FAM167A: variants seen among roughly 807,000 people sequenced by gnomAD.
FAM167A encodes the protein family with sequence similarity 167 member A.
Under a neutral mutation model 14.9 loss-of-function variants are expected in FAM167A, and 23 were observed. The observed-to-expected ratio is 1.55, with a 90% CI of 1.11 to 2.19. The LOEUF (loss-of-function observed/expected upper bound fraction) is 2.19, where lower values mean the gene tolerates loss of function less well. FAM167A is among the 30% of genes most tolerant of loss of function. The pLI is 0.00. For missense variants in FAM167A, 401 were observed against 281.5 expected (o/e 1.42, Z -3.04); for synonymous variants, 174 against 117.7 (o/e 1.48, Z -3.10).
rs77515572 is a variant in FAM167A at position 11,434,114 on chromosome 8, C to G, written c.382-9478G>C. 3.6e-3 allele frequency: 553 copies of G among 152,284 alleles called. 2 individuals are homozygous for G. The highest frequency in any genetic ancestry group is 0.012 in the African/African-American group (513 of 41,554). The allele number at this position is 152,284 out of a possible 1,614,324, so 9.4% of individuals were successfully genotyped here. A position where few individuals can be genotyped will look rare whatever the true frequency, so the allele number is the denominator to read the frequency against. On this transcript the variant is annotated intron_variant, in intron 2 of 2. Transcript: ENST00000284486. ...TTCCGGGGAAATGTGAAGAAAGAAA[C>G]GCAAACACCCCTAGGAACCAGGTTG...
intron 1 of FAM167A, among the ~76,000 whole-genome samples, chr8:11,453,603 C>T (rs754386936): frequency 6.6e-6 from 1 of 152,158 alleles, no homozygotes; most frequent in Admixed American, 6.5e-5. Context: ...GGGAGGGCTG[C>T]AGCAGGAGCC....
chr8:11,424,185 A>G lies in FAM167A; in HGVS notation c.*188T>C, dbSNP rs921576687. 6.1e-6 allele frequency: 4 copies of G among 655,766 alleles called. No individual in the cohort carries two copies. Among genetic ancestry groups the G allele is most frequent in the Non-Finnish European group, 1.0e-5 (4 of 390,582 alleles). 40.6% of individuals were successfully genotyped at this position (655,766 alleles called of 1,614,324 possible). The stretch of plus-strand genomic sequence containing the variant: ...GTAAGCAAGAGCCAGTCACAGAGAC[A>G]CTGGCATCCACACCCAGGGCCCCTG... On this transcript the variant is annotated 3_prime_UTR_variant, in exon 3 of 3. Transcript: ENST00000284486.
chr8:11,433,420 C>T (rs1198158805), intron 2 of FAM167A, among the ~76,000 whole-genome samples: 1 of 152,172 alleles, frequency 6.6e-6, no homozygotes, highest in Non-Finnish European at 1.5e-5. Flanking sequence ...CTAATGCTTC[C>T]ATTCCTGAAG....
At chr8:11,439,906 C>T (rs901043403) in intron 2 of FAM167A, among the ~76,000 whole-genome samples, 2 of 152,174 alleles carry the variant, frequency 1.3e-5, no homozygotes, top group African/African-American at 4.8e-5. Flanking sequence ...AGGGAGTTGG[C>T]TGATGGACCA....
intron 1 of FAM167A, among the ~76,000 whole-genome samples, chr8:11,447,862 C>T (rs1175848403): frequency 6.6e-6 from 1 of 152,222 alleles, no homozygotes; most frequent in Non-Finnish European, 1.5e-5. Context: ...ATTCACAAGG[C>T]TCAGTATGAA....
chr8:11,421,982 C>G lies in FAM167A; in HGVS notation c.*2391G>C, dbSNP rs1021624876. On this transcript the variant is annotated 3_prime_UTR_variant, in exon 3 of 3. Coordinates refer to ENST00000284486, the MANE Select transcript of FAM167A (RefSeq NM_053279.3). The stretch of plus-strand genomic sequence containing the variant: ...ACACTGGACGATGTTTAGAAAACAT[C>G]GCTGTCCCCCTCCACTTCTCATCTT... The G allele has an allele frequency of 5.0e-6, 2 of 396,380 alleles. No homozygotes were observed. The highest frequency in any genetic ancestry group is 8.8e-5 in the Admixed American group (2 of 22,664). 24.6% of individuals were successfully genotyped at this position (396,380 alleles called of 1,614,324 possible).
intron 1 of FAM167A, among the ~76,000 whole-genome samples, chr8:11,448,608 A>C (rs557486982): frequency 1.3e-5 from 2 of 152,324 alleles, no homozygotes; most frequent in Admixed American, 1.3e-4. Context: ...AAGTCAGTTG[A>C]TCCCACCTCC....
At chr8:11,470,462 G>A (rs74853227), upstream of FAM167A, among the ~76,000 whole-genome samples, 391 of 152,338 alleles carry the variant, frequency 2.6e-3, 3 homozygotes, top group Middle Eastern at 0.01. Flanking sequence ...CAGAGACAGG[G>A]CAGGGCAGGT....
chr8:11,429,413 G>T (rs1331891465), intron 2 of FAM167A, among the ~76,000 whole-genome samples: 1 of 152,262 alleles, frequency 6.6e-6, no homozygotes, highest in Admixed American at 6.5e-5. Flanking sequence ...GCAGGTCTGA[G>T]CTGGGACTGG....
At chr8:11,458,532 C>T (rs1289359142) in intron 1 of FAM167A, among the ~76,000 whole-genome samples, 13 of 152,196 alleles carry the variant, frequency 8.5e-5, no homozygotes, top group Admixed American at 7.2e-4. Flanking sequence ...CCCAGGAACA[C>T]TCACGACACC....
upstream of FAM167A, among the ~76,000 whole-genome samples, chr8:11,471,993 C>T (rs1381475720): frequency 6.6e-6 from 1 of 152,238 alleles, no homozygotes; most frequent in Non-Finnish European, 1.5e-5. Flanking sequence ...AAATCAGAGC[C>T]TTGCTTTTGA....
chr8:11,440,381 C>T (rs537738248), intron 2 of FAM167A, among the ~76,000 whole-genome samples: 53 of 152,216 alleles, frequency 3.5e-4, no homozygotes, highest in Non-Finnish European at 4.4e-4. Context: ...CCCTGGGGGG[C>T]GTCAGGAGTG....
chr8:11,430,196 A>C (rs1805480421), intron 2 of FAM167A, among the ~76,000 whole-genome samples: 1 of 152,200 alleles, frequency 6.6e-6, no homozygotes, highest in Non-Finnish European at 1.5e-5. Context: ...GAATTCTCAG[A>C]GGTGCAGCCT....
intron 1 of FAM167A, among the ~76,000 whole-genome samples, chr8:11,460,982 C>T (rs1162551410): frequency 6.6e-6 from 1 of 152,252 alleles, no homozygotes; most frequent in African/African-American, 2.4e-5. Flanking sequence ...CACAGTCCTC[C>T]TGCAGGAAGG....
intron 2 of FAM167A, 142 bp from the exon 3 acceptor site, chr8:11,424,778 G>A: frequency 5.5e-6 from 7 of 1,266,454 alleles, no homozygotes; most frequent in Non-Finnish European, 7.5e-6. Context: ...CCTGCTCAGG[G>A]AGGTGAAAAG....
intron 1 of FAM167A, among the ~76,000 whole-genome samples, chr8:11,460,668 C>T (rs1464930498): frequency 1.3e-5 from 2 of 152,222 alleles, no homozygotes; most frequent in Non-Finnish European, 2.9e-5. Context: ...TTTCCCCACA[C>T]ACACAATGAC....
intron 2 of FAM167A, 31 bp from the exon 3 acceptor site, chr8:11,424,667 CAG>C (rs766283803): frequency 1.2e-6 from 2 of 1,609,174 alleles, no homozygotes; most frequent in Non-Finnish European, 1.7e-6. Flanking sequence ...GCAGGGTCAG[CAG>C]AGAGTGGCTC....
intron 2 of FAM167A, chr8:11,434,796 G>C: frequency 2.9e-6 from 1 of 342,640 alleles, no homozygotes; most frequent in South Asian, 2.3e-5. Flanking sequence ...TACACAGAGA[G>C]AGGATGCTGA....
At chr8:11,455,852 C>A (rs1480527544) in intron 1 of FAM167A, among the ~76,000 whole-genome samples, 3 of 55,286 alleles carry the variant, frequency 5.4e-5, no homozygotes, top group African/African-American at 7.5e-5. Context: ...GGGTTGGTTG[C>A]CTTATGGGTA....
Sources: allele counts gnomAD v4.1 joint callset (sites outside exome capture counted in the v4.1 genomes callset), GRCh38; gene constraint gnomAD v4.1.1; transcripts MANE v1.5; gene names NCBI Gene and HGNC (gene_info 2026-07-23, HGNC 2026-07-21).